AGFG1: variants seen among roughly 807,000 people sequenced by gnomAD.
AGFG1 encodes the protein ArfGAP with FG repeats 1, also known as arf-GAP domain and FG repeat-containing protein 1.
A neutral mutation model predicts 60.6 loss-of-function variants in AGFG1; 10 were observed. The observed-to-expected ratio is 0.16, with a 90% confidence interval of 0.10 to 0.28. The LOEUF (loss-of-function observed/expected upper bound fraction) is 0.28, where lower values mean the gene tolerates loss of function less well. Among genes scored for constraint, AGFG1 ranks in the 10% least tolerant of loss-of-function variants. The pLI, the probability that AGFG1 is intolerant of heterozygous loss-of-function variation, is 1.00. For synonymous variants in AGFG1, 247 were observed against 242.9 expected, an observed-to-expected ratio of 1.02 and a Z score of -0.16; for missense variants, 537 against 676.5, an observed-to-expected ratio of 0.79 and a Z score of 2.29.
chr2:227,490,802 G>A (rs762330410), intron 1 of AGFG1, among the ~76,000 whole-genome samples: 41 of 152,220 alleles, frequency 2.7e-4, no homozygotes, highest in Non-Finnish European at 4.6e-4. Context: ...ATTTCCACTC[G>A]GTTTTTCATG....
Position 227,552,075 on chromosome 2 carries a change from G to C in AGFG1, c.1495G>C (p.Ala499Pro). ...SFQQPAFPAQ[A>P]AFPQQTAFSQ... is the part of the protein sequence containing the mutation. ...TCAGCAGCCTGCCTTTCCAGCCCAA[G>C]CAGCTTTCCCTCAACAGACAGCTTT... is the stretch of plus-strand genomic sequence containing the variant. Residue 499 changes from alanine (A) to proline (P), a missense_variant, in exon 11 of 13, where the codon GCA becomes CCA. Coordinates refer to ENST00000310078, the MANE Select transcript of AGFG1 (RefSeq NM_004504.5). 6.2e-7 allele frequency: 1 copy of C among 1,614,162 alleles called. No homozygotes were observed. The highest frequency in any genetic ancestry group is 1.3e-5 in the African/African-American group (1 of 75,036).
intron 2 of AGFG1, among the ~76,000 whole-genome samples, chr2:227,510,242 CCACACATACACACA>C: frequency 6.6e-6 from 1 of 152,098 alleles, no homozygotes; most frequent in East Asian, 1.9e-4. Context: ...AAACACAGCA[CCACACATACACACA>C]CACACATGCA....
chr2:227,499,919 T>A (rs1021829556), intron 2 of AGFG1, among the ~76,000 whole-genome samples: 1 of 152,232 alleles, frequency 6.6e-6, no homozygotes, highest in Non-Finnish European at 1.5e-5. Flanking sequence ...GGTACACATC[T>A]GAGTTGTAGT....
At chr2:227,490,008 G>T (rs1181454915) in intron 1 of AGFG1, among the ~76,000 whole-genome samples, 1 of 151,940 alleles carries the variant, frequency 6.6e-6, no homozygotes, top group Admixed American at 6.6e-5. Flanking sequence ...TAAAGACAGG[G>T]TTTTGCCATG....
chr2:227,552,156 T>C lies in AGFG1; in HGVS notation c.1537+39T>C, dbSNP rs765529520. 4 of 1,610,880 alleles carry C rather than the reference T, an allele frequency of 2.5e-6. No homozygotes were observed. In the South Asian group the frequency reaches 3.3e-5, roughly 13 times the overall value. On this transcript the variant is annotated intron_variant, in intron 11 of 12. Coordinates refer to ENST00000310078, the MANE Select transcript of AGFG1 (RefSeq NM_004504.5). ...TTTGGCGAGCTGTAAGTTCATTTTA[T>C]GTATCCTTTTTATATCATAATGTTG...
chr2:227,552,944 G>A (rs185239666), intron 11 of AGFG1, among the ~76,000 whole-genome samples: 106 of 143,438 alleles, frequency 7.4e-4, no homozygotes, highest in Middle Eastern at 4.2e-3. Flanking sequence ...GGAGGTTGTG[G>A]TGAGCCGAGA....
chr2:227,494,069 T>G (rs973221811), intron 2 of AGFG1, among the ~76,000 whole-genome samples: 2 of 152,188 alleles, frequency 1.3e-5, no homozygotes, highest in African/African-American at 2.4e-5. Flanking sequence ...AAACATACCT[T>G]CTTATAGTAT....
intron 2 of AGFG1, among the ~76,000 whole-genome samples, chr2:227,504,420 T>C (rs1482541325): frequency 6.6e-6 from 1 of 152,080 alleles, no homozygotes; most frequent in Non-Finnish European, 1.5e-5. Context: ...CTCTAACTTT[T>C]GGGCCCAAAT....
At chr2:227,513,264 G>A (rs529337757) in intron 2 of AGFG1, among the ~76,000 whole-genome samples, 3 of 152,142 alleles carry the variant, frequency 2.0e-5, no homozygotes, top group Non-Finnish European at 4.4e-5. Flanking sequence ...TGGCTGCTGT[G>A]CTGGATAGCT....
At chr2:227,551,459 A>C (rs544712983) in intron 10 of AGFG1, among the ~76,000 whole-genome samples, 5 of 151,968 alleles carry the variant, frequency 3.3e-5, no homozygotes, top group Non-Finnish European at 7.4e-5. Context: ...GTAACTAACT[A>C]TTTGTCCTAT....
intron 10 of AGFG1, among the ~76,000 whole-genome samples, chr2:227,550,906 T>G (rs1443872102): frequency 6.6e-6 from 1 of 152,238 alleles, no homozygotes; most frequent in East Asian, 1.9e-4. Flanking sequence ...ATTATGTAAT[T>G]ACTAATAGTC....
At chr2:227,477,419 C>T (rs1690318736) in intron 1 of AGFG1, among the ~76,000 whole-genome samples, 1 of 152,184 alleles carries the variant, frequency 6.6e-6, no homozygotes, top group East Asian at 1.9e-4. Flanking sequence ...AAAATTAGTG[C>T]ACACTCTTAG....
intron 1 of AGFG1, among the ~76,000 whole-genome samples, chr2:227,476,710 G>A (rs1690290754): frequency 6.6e-6 from 1 of 152,124 alleles, no homozygotes; most frequent in Non-Finnish European, 1.5e-5. Flanking sequence ...ACAATTAGTA[G>A]CATTAGGATG....
chr2:227,517,562 G>A (rs907850711), intron 2 of AGFG1, among the ~76,000 whole-genome samples: 4 of 152,158 alleles, frequency 2.6e-5, no homozygotes, highest in African/African-American at 7.2e-5. Flanking sequence ...GAGCCACCAC[G>A]CCCGACCCAC....
At chr2:227,491,988 C>T (rs1457746366) in intron 2 of AGFG1, among the ~76,000 whole-genome samples, 4 of 152,072 alleles carry the variant, frequency 2.6e-5, no homozygotes, top group Non-Finnish European at 4.4e-5. Context: ...TTGTGTTAAA[C>T]TTGTTAGAGT....
chr2:227,472,670 G>A lies in AGFG1; in HGVS notation c.167+82G>A, dbSNP rs1690130277. The A allele has an allele frequency of 6.3e-6, 9 of 1,435,540 alleles. No homozygotes were observed. In the South Asian group the frequency reaches 9.5e-5, roughly 15 times the overall value. 88.9% of individuals were successfully genotyped at this position (1,435,540 alleles called of 1,614,324 possible). On this transcript the variant is annotated intron_variant, in intron 1 of 12. Transcript: ENST00000310078. ...GCGGCGGGACCGGGACCCTTCCGGG[G>A]CTGGGAAAGAGCCGGGTGCCGTGGG... is the stretch of plus-strand genomic sequence containing the variant.
At chr2:227,503,143 G>C (rs534915554) in intron 2 of AGFG1, among the ~76,000 whole-genome samples, 42 of 151,940 alleles carry the variant, frequency 2.8e-4, no homozygotes, top group African/African-American at 6.3e-4. Flanking sequence ...TGAGGTGGGG[G>C]GATCACCTGA....
intron 3 of AGFG1, among the ~76,000 whole-genome samples, chr2:227,523,336 C>A (rs1312405365): frequency 6.6e-6 from 1 of 152,074 alleles, no homozygotes; most frequent in East Asian, 1.9e-4. Context: ...ATATTTTAGG[C>A]TGTTAACTGT....
intron 5 of AGFG1, among the ~76,000 whole-genome samples, chr2:227,529,263 G>C (rs1419868722): frequency 3.3e-5 from 5 of 152,032 alleles, no homozygotes; most frequent in African/African-American, 9.7e-5. Flanking sequence ...CAAGCATTCA[G>C]AATCCTTAGT....
Sources: allele counts gnomAD v4.1 joint callset (sites outside exome capture counted in the v4.1 genomes callset), GRCh38; gene constraint gnomAD v4.1.1; transcripts MANE v1.5; gene names NCBI Gene and HGNC (gene_info 2026-07-23, HGNC 2026-07-21).